Variants in CCDC175 observed in about 807,000 individuals in gnomAD.
The protein encoded by CCDC175 is coiled-coil domain containing 175.
Under a neutral mutation model 114.6 loss-of-function variants are expected in CCDC175, and 100 were observed. The observed-to-expected ratio is 0.87, with a 90% CI of 0.74 to 1.03. The LOEUF is 1.03. CCDC175 is among the 50% of genes least tolerant of loss of function. CCDC175 has a pLI of 0.00. For synonymous variants in CCDC175, 306 were observed against 308.7 expected (o/e 0.99, Z 0.09); for missense variants, 880 against 917.8 (o/e 0.96, Z 0.53).
At chr14:59,575,087 C>A (rs1044014203) in intron 1 of CCDC175, 59 bp from the exon 2 acceptor site, 2 of 912,928 alleles carry the variant, frequency 2.2e-6, no homozygotes, top group Non-Finnish European at 1.6e-6. Flanking sequence ...CCTACTTAAC[C>A]TTTTATGATC....
At chr14:59,513,253 G>A (rs1400638303) in intron 17 of CCDC175, among the ~76,000 whole-genome samples, 18 of 152,156 alleles carry the variant, frequency 1.2e-4, no homozygotes, top group Non-Finnish European at 2.2e-4. Context: ...CGCAGAAGAC[G>A]GGTGATTTCT....
chr14:59,510,939 C>T (rs1007590207), intron 18 of CCDC175, 131 bp from the exon 19 acceptor site: 5 of 764,580 alleles, frequency 6.5e-6, no homozygotes, highest in African/African-American at 5.3e-5. Context: ...AAAATAAGTG[C>T]TTGTGTACAC....
Position 59,533,781 on chromosome 14 carries a change from G to A in CCDC175, c.1624-1871C>T, listed in dbSNP as rs374483131. Among the ~76,000 whole-genome samples the A allele has an allele frequency of 1.4e-4, 22 of 152,174 alleles. 2 individuals are homozygous for A. The highest frequency in any genetic ancestry group is 8.5e-4 in the Admixed American group (13 of 15,282). The stretch of plus-strand genomic sequence containing the variant: ...AGGCGGGCAGATCACAAGGTCAGGA[G>A]ATCGAGACTATCCTGGCTAACATGG... On this transcript the variant is annotated intron_variant, in intron 13 of 19. Coordinates refer to ENST00000537690, the MANE Select transcript of CCDC175 (RefSeq NM_001164399.2).
chr14:59,537,813 T>C (rs1894496865), intron 13 of CCDC175, among the ~76,000 whole-genome samples: 1 of 152,184 alleles, frequency 6.6e-6, no homozygotes, highest in Non-Finnish European at 1.5e-5. Context: ...ATTTGAAGTG[T>C]GATTATTATT....
Position 59,545,178 on chromosome 14 carries a change from T to C in CCDC175, c.1157A>G (p.Gln386Arg), listed in dbSNP as rs1370178792. 1.3e-6 allele frequency: 2 copies of C among 1,536,866 alleles called. No homozygotes were observed. The highest frequency in any genetic ancestry group is 1.7e-6 in the Non-Finnish European group (2 of 1,146,762). ...AAAGACATACTCATCATGAATCTTT[T>C]GTTTTTGCAAAAAAGCTTTTTCTTC... ...SEEEKAFLQK[Q>R]KIHDENQKQL... Residue 386 changes from glutamine (Q) to arginine (R), a missense_variant, in exon 9 of 20, where the codon CAA becomes CGA. Coordinates refer to ENST00000537690, the MANE Select transcript of CCDC175 (RefSeq NM_001164399.2).
intron 7 of CCDC175, among the ~76,000 whole-genome samples, chr14:59,557,383 C>G (rs571138985): frequency 1.3e-5 from 2 of 149,998 alleles, no homozygotes; most frequent in Admixed American, 1.3e-4. Flanking sequence ...ACCAAACATC[C>G]CATGTTCTCA....
At chr14:59,509,243 G>T (rs962719033) in intron 19 of CCDC175, among the ~76,000 whole-genome samples, 3 of 152,106 alleles carry the variant, frequency 2.0e-5, no homozygotes, top group Non-Finnish European at 2.9e-5. Context: ...AATTTTGCTT[G>T]ATCTATAGTT....
chr14:59,561,135 T>C lies in CCDC175; in HGVS notation c.937A>G (p.Ile313Val), dbSNP rs1896203684. ...TACACTTACAGTTTCGCCTCCAGAA[T>C]TGCAAGGTCTTTCTTTAGCTCACTG... ...EVSELKKDLA[I>V]LEAKLCFFTD... Residue 313 changes from isoleucine (I) to valine (V), a missense_variant, in exon 7 of 20, where the codon ATT becomes GTT. By Grantham distance (29) the Ile-to-Val change is conservative (BLOSUM62 3). Transcript: ENST00000537690. 12 of 1,528,000 alleles carry C rather than the reference T, an allele frequency of 7.9e-6. No individual in the cohort carries two copies. The highest frequency in any genetic ancestry group is 9.7e-6 in the Non-Finnish European group (11 of 1,138,904). The allele number at this position is 1,528,000 out of a possible 1,614,324, so 94.7% of individuals were successfully genotyped here.
chr14:59,529,569 G>T (rs747740434), intron 14 of CCDC175, among the ~76,000 whole-genome samples: 9 of 152,012 alleles, frequency 5.9e-5, no homozygotes, highest in South Asian at 2.1e-4. Flanking sequence ...GCCCTTTTTG[G>T]CAGGCTTTTG....
At chr14:59,544,614 G>T (rs937439871) in intron 9 of CCDC175, among the ~76,000 whole-genome samples, 6 of 152,106 alleles carry the variant, frequency 3.9e-5, no homozygotes, top group Admixed American at 2.0e-4. Context: ...TACTCTCTAA[G>T]CTATACATTT....
intron 8 of CCDC175, among the ~76,000 whole-genome samples, chr14:59,549,650 G>A (rs865802984): frequency 2.1e-5 from 3 of 143,808 alleles, no homozygotes; most frequent in African/African-American, 7.5e-5. Flanking sequence ...AACCCCAGAG[G>A]CAGAGGTTGC....
chr14:59,535,917 T>TA (rs1894365850), intron 13 of CCDC175, among the ~76,000 whole-genome samples: 1 of 152,004 alleles, frequency 6.6e-6, no homozygotes, highest in Admixed American at 6.5e-5. Context: ...TTTGGGGCAG[T>TA]CCCAGTCAGT....
intron 2 of CCDC175, 40 bp from the exon 3 acceptor site, chr14:59,572,853 A>G (rs1215959687): frequency 1.6e-6 from 2 of 1,240,514 alleles, no homozygotes; most frequent in East Asian, 5.2e-5. Flanking sequence ...TTAAGACACT[A>G]AAATAGTAAG....
At chr14:59,574,863 T>C in intron 2 of CCDC175, 80 bp downstream of exon 2, 1 of 740,658 alleles carries the variant, frequency 1.4e-6, no homozygotes, top group Non-Finnish European at 2.2e-6. Context: ...CTTAATACTT[T>C]GAACAGAATT....
At chr14:59,564,914 C>T (rs1227888346) in intron 5 of CCDC175, 133 bp downstream of exon 5, 2 of 664,124 alleles carry the variant, frequency 3.0e-6, no homozygotes, top group Non-Finnish European at 2.5e-6. Context: ...CCGCTCATCC[C>T]GTTTTCCCAG....
chr14:59,556,708 C>G (rs1184790416), intron 7 of CCDC175, among the ~76,000 whole-genome samples: 1 of 152,150 alleles, frequency 6.6e-6, no homozygotes, highest in African/African-American at 2.4e-5. Context: ...TTGCAATCTA[C>G]TCATCTGACA....
At chr14:59,551,212 T>A (rs12883522) in intron 8 of CCDC175, 143 bp downstream of exon 8, 35,620 of 488,630 alleles carry the variant, frequency 0.073, 1,635 homozygotes, top group Non-Finnish European at 0.096. Context: ...GGAGATAAAA[T>A]TTTTTAAATT....
chr14:59,576,207 A>G (rs1354916096), intron 1 of CCDC175, among the ~76,000 whole-genome samples: 1 of 152,050 alleles, frequency 6.6e-6, no homozygotes, highest in East Asian at 1.9e-4. Flanking sequence ...TCCCTTTCCT[A>G]TTTGCTTGTT....
At chr14:59,530,963 C>T (rs1008416467) in intron 14 of CCDC175, among the ~76,000 whole-genome samples, 9 of 151,754 alleles carry the variant, frequency 5.9e-5, no homozygotes, top group African/African-American at 1.5e-4. Flanking sequence ...AGATAATGAC[C>T]CTCTACTCAC....
Sources: allele counts gnomAD v4.1 joint callset (sites outside exome capture counted in the v4.1 genomes callset), GRCh38; gene constraint gnomAD v4.1.1; transcripts MANE v1.5; gene names NCBI Gene and HGNC (gene_info 2026-07-23, HGNC 2026-07-21).